SYN3: variants seen among roughly 807,000 people sequenced by gnomAD.
The protein encoded by SYN3 is synapsin III.
A neutral mutation model predicts 65.8 loss-of-function variants in SYN3; 35 were observed. The observed-to-expected ratio is 0.53, with a 90% CI of 0.41 to 0.70. The LOEUF is 0.70. Ranked by LOEUF, SYN3 falls within the 30% of genes least tolerant of loss-of-function variation. The pLI is 0.00. For synonymous variants in SYN3, 270 were observed against 292.9 expected (o/e 0.92, Z 0.80); for missense variants, 680 against 749.0 (o/e 0.91, Z 1.08).
intron 6 of SYN3, among the ~76,000 whole-genome samples, chr22:32,734,579 C>T (rs1022695854): frequency 5.3e-5 from 8 of 152,102 alleles, no homozygotes; most frequent in African/African-American, 1.4e-4. Flanking sequence ...ATGCTTCCTG[C>T]TGCATGGATT....
chr22:33,053,552 T>C (rs1011588816), intron 1 of SYN3, among the ~76,000 whole-genome samples: 3 of 152,230 alleles, frequency 2.0e-5, no homozygotes, highest in Non-Finnish European at 4.4e-5. Context: ...ATTTACTTAT[T>C]GCCTCTAGAG....
At chr22:32,599,237 A>G (rs1319717649) in intron 6 of SYN3, among the ~76,000 whole-genome samples, 1 of 152,176 alleles carries the variant, frequency 6.6e-6, no homozygotes, top group African/African-American at 2.4e-5. Flanking sequence ...TATTTCACAT[A>G]TGGAAAAAGC....
At chr22:32,527,189 G>A (rs1034064567) in intron 12 of SYN3, among the ~76,000 whole-genome samples, 2 of 152,192 alleles carry the variant, frequency 1.3e-5, no homozygotes, top group East Asian at 1.9e-4. Flanking sequence ...CTAGCTGGTC[G>A]ACTCACAAAT....
intron 6 of SYN3, among the ~76,000 whole-genome samples, chr22:32,737,464 C>G (rs1290765006): frequency 6.6e-6 from 1 of 152,072 alleles, no homozygotes; most frequent in Non-Finnish European, 1.5e-5. Context: ...TATCCCTCCC[C>G]CTCCCCCAAC....
In SYN3 at chr22:32,859,308, C is replaced by A. The variant is rs753287182; in HGVS notation, c.711+5607G>T. 2.9e-5 allele frequency: 47 copies of A among 1,614,116 alleles called. No homozygotes were observed. Among genetic ancestry groups the A allele is most frequent in the Non-Finnish European group, 3.8e-5 (45 of 1,180,042 alleles). On this transcript the variant is annotated intron_variant, in intron 6 of 13. Transcript: ENST00000358763. ...ACTACGCCTGCATCCGGCAGAAGGG[C>A]GGCTACTGCAGCTGGTACCGAGGAT...
intron 7 of SYN3, among the ~76,000 whole-genome samples, chr22:32,579,180 T>G (rs1321704138): frequency 6.6e-6 from 1 of 152,210 alleles, no homozygotes; most frequent in Admixed American, 6.5e-5. Context: ...TGCCAATATA[T>G]TCAATGAACA....
In SYN3 at chr22:32,731,739, C is replaced by T. The variant is rs1381070962; in HGVS notation, c.711+133176G>A. Among the ~76,000 whole-genome samples the T allele has an allele frequency of 2.0e-5, 3 of 152,144 alleles. No homozygotes were observed. In the South Asian group the frequency reaches 6.2e-4, roughly 31 times the overall value. The stretch of plus-strand genomic sequence containing the variant: ...AAATCCTCCACGGTTAATGACAAAG[C>T]CCTTTACAAGGCTTCCAAATGTTTC... On this transcript the variant is annotated intron_variant, in intron 6 of 13. Coordinates refer to ENST00000358763, the MANE Select transcript of SYN3 (RefSeq NM_003490.4).
At chr22:32,570,976 T>G (rs2058751351) in intron 7 of SYN3, among the ~76,000 whole-genome samples, 1 of 152,228 alleles carries the variant, frequency 6.6e-6, no homozygotes, top group Non-Finnish European at 1.5e-5. Context: ...TCTATGGTAG[T>G]GATACAAAAC....
chr22:32,819,566 G>A (rs980282872), intron 6 of SYN3, among the ~76,000 whole-genome samples: 2 of 152,092 alleles, frequency 1.3e-5, no homozygotes, highest in African/African-American at 2.4e-5. Flanking sequence ...TATATTCCAG[G>A]TGCTGGGCAG....
At chr22:32,555,119 A>G (rs1007789078) in intron 7 of SYN3, among the ~76,000 whole-genome samples, 1 of 152,226 alleles carries the variant, frequency 6.6e-6, no homozygotes, top group African/African-American at 2.4e-5. Context: ...ATGAATGAAG[A>G]GGCCAGTCAT....
At chr22:32,595,734 G>A (rs991040780) in intron 7 of SYN3, among the ~76,000 whole-genome samples, 2 of 152,234 alleles carry the variant, frequency 1.3e-5, no homozygotes, top group East Asian at 1.9e-4. Context: ...TCTCCTTGCT[G>A]TTCTTGTAAT....
chr22:32,851,811 G>C (rs565694896), intron 6 of SYN3, among the ~76,000 whole-genome samples: 3 of 152,232 alleles, frequency 2.0e-5, no homozygotes, highest in African/African-American at 7.2e-5. Context: ...CCTCCATAGA[G>C]GGTATCATGA....
chr22:32,657,575 C>T (rs1387919546), intron 6 of SYN3, among the ~76,000 whole-genome samples: 1 of 152,232 alleles, frequency 6.6e-6, no homozygotes, highest in Non-Finnish European at 1.5e-5. Context: ...CCAGGGGCTA[C>T]TCGCATTCAG....
chr22:32,830,494 C>A (rs2047540801), intron 6 of SYN3, among the ~76,000 whole-genome samples: 1 of 152,160 alleles, frequency 6.6e-6, no homozygotes, highest in South Asian at 2.1e-4. Context: ...GCCCCTCTTT[C>A]ACAGAAACAG....
At chr22:32,756,807 C>T (rs139813114) in intron 6 of SYN3, among the ~76,000 whole-genome samples, 108 of 152,304 alleles carry the variant, frequency 7.1e-4, no homozygotes, top group African/African-American at 2.5e-3. Flanking sequence ...TCCTGTACAA[C>T]CTGCAGAACC....
At chr22:32,829,109 A>C (rs2047497587) in intron 6 of SYN3, among the ~76,000 whole-genome samples, 1 of 152,176 alleles carries the variant, frequency 6.6e-6, no homozygotes. Flanking sequence ...CCGCTGAAGA[A>C]GACGGGCAGA....
chr22:32,937,989 T>C (rs543054184), intron 3 of SYN3, among the ~76,000 whole-genome samples: 3 of 152,228 alleles, frequency 2.0e-5, no homozygotes, highest in African/African-American at 7.2e-5. Flanking sequence ...TTTTTCTACA[T>C]TTAATGAAAA....
At chr22:33,001,352 T>C (rs2053053635) in intron 2 of SYN3, among the ~76,000 whole-genome samples, 1 of 152,168 alleles carries the variant, frequency 6.6e-6, no homozygotes, top group African/African-American at 2.4e-5. Context: ...AAAATTTAAA[T>C]GTTATGTCTG....
intron 4 of SYN3, among the ~76,000 whole-genome samples, chr22:32,895,647 G>A (rs760648362): frequency 9.2e-5 from 14 of 152,152 alleles, no homozygotes; most frequent in Non-Finnish European, 2.1e-4. Flanking sequence ...TACATGTCAG[G>A]TTTTCTGTTA....
Sources: gnomAD v4.1 joint callset for allele counts (sites outside exome capture counted in the v4.1 genomes callset) on GRCh38, gnomAD v4.1.1 for gene constraint, MANE v1.5 for transcripts, NCBI Gene and HGNC (gene_info 2026-07-23, HGNC 2026-07-21) for gene names.